The following PUSL1 variants were observed in gnomAD, a reference collection of about 807,000 sequenced individuals.
PUSL1 encodes pseudouridine synthase like 1, also known as tRNA pseudouridine synthase-like 1.
PUSL1 carries 51 observed loss-of-function variants against 30.7 expected under a neutral mutation model. The ratio of observed to expected loss-of-function variants is 1.66; its 90% CI spans 1.33 to 2.10. PUSL1 has a LOEUF of 2.10. Among genes scored for constraint, PUSL1 ranks in the 30% most tolerant of loss-of-function variants. The pLI is 0.00. For missense variants in PUSL1, 609 were observed against 427.6 expected (o/e 1.42, Z -3.74); for synonymous variants, 290 against 192.1 (o/e 1.51, Z -4.21).
At position 1,309,908 on chromosome 1, in the gene PUSL1, T is replaced by C. The variant is rs1350816187; in HGVS notation, c.644+57T>C. On this transcript the variant is annotated intron_variant, in intron 5 of 7. Transcript: ENST00000379031. The stretch of plus-strand genomic sequence containing the variant: ...CCTCAAGTCACGTGCTGATTTTAGC[T>C]CCAGCACCTCCCCCAGTTTTAAGGC... 4.5e-6 allele frequency: 6 copies of C among 1,319,734 alleles called. No individual in the cohort carries two copies. In the East Asian group the frequency reaches 1.6e-4, roughly 34 times the overall value. 81.8% of individuals were successfully genotyped at this position (1,319,734 alleles called of 1,614,324 possible). A position where few individuals can be genotyped will look rare whatever the true frequency, so the allele number is the denominator to read the frequency against.
intron 7 of PUSL1, 117 bp downstream of exon 7, chr1:1,311,188 C>T (rs1468217118): frequency 6.1e-5 from 87 of 1,422,098 alleles, no homozygotes; most frequent in Non-Finnish European, 7.3e-5. Context: ...AGCAGCCCCC[C>T]GCCCAGGGCT....
chr1:1,308,725 G>C lies in PUSL1; in HGVS notation c.77+5G>C. 6.5e-7 allele frequency: 1 copy of C among 1,548,380 alleles called. No homozygotes were observed. The highest frequency in any genetic ancestry group is 8.7e-7 in the Non-Finnish European group (1 of 1,149,616). On this transcript the variant is annotated splice_donor_5th_base_variant and intron_variant, in intron 1 of 7. Coordinates refer to ENST00000379031, the MANE Select transcript of PUSL1 (RefSeq NM_153339.3). ...GTACGTGGGCACCGACTTTAAGTAG[G>C]TTTCCCAGGCGCAGCGGCGGGCGCC...
rs1158023735 is a variant in PUSL1 at position 1,311,649 on chromosome 1, A to G, written c.*270A>G. On this transcript the variant is annotated 3_prime_UTR_variant, in exon 8 of 8. Coordinates refer to ENST00000379031, the MANE Select transcript of PUSL1 (RefSeq NM_153339.3). Reference sequence around the variant, plus strand: ...ACTGCTGTCTAGGACCACCTGCCCTAACCAGGAATAAAGGCAAGACAGCCT... The same window carrying G: ...ACTGCTGTCTAGGACCACCTGCCCTGACCAGGAATAAAGGCAAGACAGCCT... 2.8e-6 allele frequency: 2 copies of G among 709,918 alleles called. No homozygotes were observed. The highest frequency in any genetic ancestry group is 1.5e-5 in the South Asian group (1 of 66,176). 44.0% of individuals were successfully genotyped at this position (709,918 alleles called of 1,614,324 possible).
rs867808462 is a variant in PUSL1 at position 1,311,162 on chromosome 1, C to G, written c.862+91C>G. ...GTGGGGGGCCAGGGGCCACTGACGG[C>G]AGCAACTGGGGGTGAAGCAGCCCCC... is the stretch of plus-strand genomic sequence containing the variant. On this transcript the variant is annotated intron_variant, in intron 7 of 7. Coordinates refer to ENST00000379031, the MANE Select transcript of PUSL1 (RefSeq NM_153339.3). The G allele has an allele frequency of 1.8e-5, 27 of 1,497,882 alleles. No homozygotes were observed. In the Middle Eastern group the frequency reaches 8.9e-4, roughly 49 times the overall value. 92.8% of individuals were successfully genotyped at this position (1,497,882 alleles called of 1,614,324 possible).
chr1:1,309,656 C>T (rs754966756), intron 4 of PUSL1, 25 bp from the exon 5 acceptor site: 1 of 1,596,950 alleles, frequency 6.3e-7, no homozygotes, highest in Non-Finnish European at 8.6e-7. Context: ...CCCCACCCTC[C>T]TGACGGTCAC....
In PUSL1 at chr1:1,310,560, C is replaced by G. The variant is rs777404999; in HGVS notation, c.645-74C>G. On this transcript the variant is annotated intron_variant, in intron 5 of 7. Coordinates refer to ENST00000379031, the MANE Select transcript of PUSL1 (RefSeq NM_153339.3). Reference sequence around the variant, plus strand: ...CTTTAGGCCCACCCTGTCACTCTCCCGTCCAAGGCCACATAGTAGGCTGAG... The same window carrying G: ...CTTTAGGCCCACCCTGTCACTCTCCGGTCCAAGGCCACATAGTAGGCTGAG... The G allele has an allele frequency of 9.1e-6, 11 of 1,206,324 alleles. No homozygotes were observed. The Middle Eastern group carries it at 1.1e-3, about 119-fold the overall frequency. 74.7% of individuals were successfully genotyped at this position (1,206,324 alleles called of 1,614,324 possible). A position where few individuals can be genotyped will look rare whatever the true frequency, so the allele number is the denominator to read the frequency against.
At chr1:1,308,816 T>C in intron 1 of PUSL1, 96 bp downstream of exon 1, 1 of 1,439,416 alleles carries the variant, frequency 6.9e-7, no homozygotes, top group Non-Finnish European at 9.2e-7. Flanking sequence ...TGGACGCGGG[T>C]TCCAAACGTT....
In PUSL1 at chr1:1,309,159, A is replaced by G. The variant is rs1164755008; in HGVS notation, c.209A>G (p.His70Arg). 2.6e-6 allele frequency: 4 copies of G among 1,536,110 alleles called. No homozygotes were observed. Among genetic ancestry groups the G allele is most frequent in the Non-Finnish European group, 3.5e-6 (4 of 1,149,560 alleles). ...TCCAGCCGCACGGACGCCGGGGTCC[A>G]CGCCCTGAGCAACGCGGCGCACCTG... Reference protein sequence around the residue: ...TISSRTDAGVHALSNAAHLDV... With the variant: ...TISSRTDAGVRALSNAAHLDV... The change falls in exon 3 of 8, where the codon CAC becomes CGC. Residue 70 changes from histidine to arginine, a missense_variant. By Grantham distance (29) the His-to-Arg change is conservative. Coordinates refer to ENST00000379031, the MANE Select transcript of PUSL1 (RefSeq NM_153339.3).
chr1:1,310,100 G>A (rs1642036881), intron 5 of PUSL1: 1 of 517,986 alleles, frequency 1.9e-6, no homozygotes, highest in Non-Finnish European at 3.4e-6. Flanking sequence ...CCTGATGGAA[G>A]AATGTTGGCA....
rs770576769 is a variant in PUSL1 at position 1,309,610 on chromosome 1, G to A, written c.473+7G>A. On this transcript the variant is annotated splice_region_variant and intron_variant, in intron 4 of 7. Coordinates refer to ENST00000379031, the MANE Select transcript of PUSL1 (RefSeq NM_153339.3). ...GCTGGACTCTCCCGGCAGAGTGAGT[G>A]TGGCCCTGACAGCGGGGAGGGGGCG... is the stretch of plus-strand genomic sequence containing the variant. 10 of 1,604,262 alleles carry A rather than the reference G, an allele frequency of 6.2e-6. No homozygotes were observed. In the African/African-American group the frequency reaches 1.3e-4, roughly 21 times the overall value.
intron 5 of PUSL1, 174 bp downstream of exon 5, chr1:1,310,025 C>CCT (rs1642030402): frequency 1.8e-6 from 1 of 558,582 alleles, no homozygotes; most frequent in Non-Finnish European, 3.1e-6. Context: ...CCAGCTGTGC[C>CCT]CTCCCCCCAG....
chr1:1,309,184 G>C lies in PUSL1; in HGVS notation c.234G>C (p.Leu78=). The C allele has an allele frequency of 6.5e-7, 1 of 1,542,722 alleles. No individual in the cohort carries two copies. The highest frequency in any genetic ancestry group is 1.2e-5 in the South Asian group (1 of 83,932). ...GVHALSNAAH[L]DVQRRSGRPP... is the part of the protein sequence containing the mutation. ...ACGCCCTGAGCAACGCGGCGCACCT[G>C]GACGTCCAGCGCCGCTCAGGCCGGC... Residue 78 remains leucine (L), a synonymous_variant, in exon 3 of 8, where the codon CTG becomes CTC. Coordinates refer to ENST00000379031, the MANE Select transcript of PUSL1 (RefSeq NM_153339.3).
chr1:1,310,468 G>A (rs1341949564), intron 5 of PUSL1, 166 bp from the exon 6 acceptor site: 6 of 659,468 alleles, frequency 9.1e-6, no homozygotes, highest in Non-Finnish European at 1.4e-5. Flanking sequence ...CCCCTCCAAT[G>A]GGCCTCACTG....
At chr1:1,310,058 A>G (rs1225037596) in intron 5 of PUSL1, 1 of 542,578 alleles carries the variant, frequency 1.8e-6, no homozygotes, top group Admixed American at 3.6e-5. Flanking sequence ...AGAACAGGGA[A>G]GGCTGCTTGT....
chr1:1,309,536 A>G lies in PUSL1; in HGVS notation c.406A>G (p.Thr136Ala), dbSNP rs1346879624. 3.7e-6 allele frequency: 6 copies of G among 1,611,084 alleles called. No individual in the cohort carries two copies. Among genetic ancestry groups the G allele is most frequent in the Non-Finnish European group, 5.1e-6 (6 of 1,179,482 alleles). Reference sequence around the variant, plus strand: ...CCGGACCTACCTGTACCGCCTGGCCACTGGCTGTCACCGGCGTGATGAGCT... The same window carrying G: ...CCGGACCTACCTGTACCGCCTGGCCGCTGGCTGTCACCGGCGTGATGAGCT... ...TSRTYLYRLATGCHRRDELPV... is the reference protein window; with the variant it reads ...TSRTYLYRLAAGCHRRDELPV... The change falls in exon 4 of 8, where the codon ACT becomes GCT. Residue 136 changes from threonine to alanine, a missense_variant. Physicochemically the swap from Thr to Ala is moderately conservative, Grantham distance 58. Transcript: ENST00000379031.
In PUSL1 at chr1:1,310,801, C is replaced by T. The variant is rs374214535; in HGVS notation, c.700-108C>T. On this transcript the variant is annotated intron_variant, in intron 6 of 7. Coordinates refer to ENST00000379031, the MANE Select transcript of PUSL1 (RefSeq NM_153339.3). ...TCTGGGTCACAGGTACGGAGGATGA[C>T]GGCTGTGCTGGTGGGTCACGGGCGG... 10 of 1,609,874 alleles carry T rather than the reference C, an allele frequency of 6.2e-6. No individual in the cohort carries two copies. In the East Asian group the frequency reaches 1.1e-4, roughly 18 times the overall value.
intron 7 of PUSL1, 32 bp downstream of exon 7, chr1:1,311,103 A>T: frequency 6.3e-7 from 1 of 1,575,212 alleles, no homozygotes; most frequent in Non-Finnish European, 8.6e-7. Flanking sequence ...AGCTCCTGTC[A>T]TGTGCCCAGT....
chr1:1,310,912 C>T lies in PUSL1; in HGVS notation c.703C>T (p.Arg235Trp), dbSNP rs748869074. ...ESQSFLYRQV[R>W]RMTAVLVAVG... ...CACAGGTGGCTCTGGGTCACAGGTA[C>T]GGAGGATGACGGCTGTGCTGGTGGC... Residue 235 changes from arginine (R) to tryptophan (W), a missense_variant, in exon 7 of 8, where the codon CGG becomes TGG. By Grantham distance (101) the Arg-to-Trp change is moderately radical. Transcript: ENST00000379031. The T allele has an allele frequency of 3.3e-5, 53 of 1,592,166 alleles. No individual in the cohort carries two copies. In the South Asian group the frequency reaches 4.9e-4, roughly 15 times the overall value.
intron 5 of PUSL1, 38 bp from the exon 6 acceptor site, chr1:1,310,596 A>T: frequency 6.8e-7 from 1 of 1,467,772 alleles, no homozygotes; most frequent in Non-Finnish European, 9.3e-7. Context: ...GATGGCAAAC[A>T]CTGCCCCACA....
Sources: gnomAD v4.1 joint callset for allele counts on GRCh38, gnomAD v4.1.1 for gene constraint, MANE v1.5 for transcripts, NCBI Gene and HGNC (gene_info 2026-07-23, HGNC 2026-07-21) for gene names.